The following MGST1 variants were observed in gnomAD, a reference collection of about 807,000 sequenced individuals.
The protein encoded by MGST1 is glutathione S-transferase 12.
MGST1 carries 5 observed loss-of-function variants against 8.9 expected under a neutral mutation model. The observed-to-expected ratio is 0.56, with a 90% confidence interval of 0.29 to 1.19. The LOEUF (loss-of-function observed/expected upper bound fraction) is 1.19. MGST1 is among the 50% of genes most tolerant of loss of function. The pLI is 0.08. For synonymous variants in MGST1, 54 were observed against 67.8 expected, an observed-to-expected ratio of 0.80 and a Z score of 1.00; for missense variants, 182 against 187.4, an observed-to-expected ratio of 0.97 and a Z score of 0.17.
downstream of MGST1, among the ~76,000 whole-genome samples, chr12:16,378,820 C>A (rs1179396352): frequency 1.3e-5 from 2 of 152,074 alleles, no homozygotes; most frequent in African/African-American, 4.8e-5. Context: ...TCTTTTATTT[C>A]ATTGAGCAGT....
At chr12:16,427,399 C>T (rs1940899864) in intron 1 of MGST1, among the ~76,000 whole-genome samples, 1 of 152,010 alleles carries the variant, frequency 6.6e-6, no homozygotes, top group Non-Finnish European at 1.5e-5. Context: ...ATTTTTTTGT[C>T]TGAGACAGAG....
chr12:16,387,918 AC>A (rs987871548), intron 1 of MGST1, among the ~76,000 whole-genome samples: 9 of 151,658 alleles, frequency 5.9e-5, no homozygotes, highest in African/African-American at 2.2e-4. Context: ...CAGTACAGTA[AC>A]ATGCTACGTA....
In MGST1 at chr12:16,389,654, T is replaced by G. The variant is rs1365486820; in HGVS notation, n.778+6050T>G. 6.6e-6 allele frequency among the ~76,000 whole-genome samples: 1 copy of G among 152,206 alleles called. No homozygotes were observed. Among genetic ancestry groups the G allele is most frequent in the Non-Finnish European group, 1.5e-5 (1 of 68,038 alleles). On this transcript the variant is annotated intron_variant and non_coding_transcript_variant, in intron 1 of 1. Transcript: ENST00000359720. The surrounding 1 kb of genome is among the most constrained non-coding windows in gnomAD (Gnocchi z 4.6). Reference sequence around the variant, plus strand: ...AGGAGGGACTACAGAGAAGCAAGGATTCCAGATGGAGGGAGAGTTTGGAAT... The same window carrying G: ...AGGAGGGACTACAGAGAAGCAAGGAGTCCAGATGGAGGGAGAGTTTGGAAT...
At chr12:16,352,806 C>A (rs955247620) in intron 1 of MGST1, among the ~76,000 whole-genome samples, 4 of 152,130 alleles carry the variant, frequency 2.6e-5, no homozygotes, top group Non-Finnish European at 4.4e-5. Context: ...CATGAAAGTA[C>A]CATATATGGT....
rs1279168874 is a variant in MGST1, at chr12:16,347,648, C to G, written c.-85C>G. 1 of 152,472 alleles carries G rather than the reference C, an allele frequency of 6.6e-6. No individual in the cohort carries two copies. The highest frequency in any genetic ancestry group is 1.5e-5 in the Non-Finnish European group (1 of 68,314). 9.4% of individuals were successfully genotyped at this position (152,472 alleles called of 1,614,324 possible). A position where few individuals can be genotyped will look rare whatever the true frequency, so the allele number is the denominator to read the frequency against. ...TGCGTCCGGCCCGCGCGGCCACAGT[C>G]CCTGCATTGCGCGCGACCCGGCGGC... On this transcript the variant is annotated 5_prime_UTR_variant, in exon 1 of 4. Transcript: ENST00000396210. The surrounding 1 kb of genome is among the most constrained non-coding windows in gnomAD (Gnocchi z 4.0).
intron 1 of MGST1, among the ~76,000 whole-genome samples, chr12:16,383,915 A>T (rs1298055430): frequency 6.6e-6 from 1 of 152,198 alleles, no homozygotes; most frequent in Non-Finnish European, 1.5e-5. Flanking sequence ...TAAACCATAC[A>T]GGTTTTTGTT....
At chr12:16,526,986 G>C (rs1591752393) in intron 4 of MGST1, among the ~76,000 whole-genome samples, 1 of 152,076 alleles carries the variant, frequency 6.6e-6, no homozygotes, top group East Asian at 1.9e-4. Flanking sequence ...TATTTCTGCT[G>C]TATCTATCAT....
At chr12:16,468,244 T>C (rs1943802901) in intron 4 of MGST1, among the ~76,000 whole-genome samples, 1 of 152,212 alleles carries the variant, frequency 6.6e-6, no homozygotes, top group African/African-American at 2.4e-5. Flanking sequence ...GCATCATATC[T>C]AGGTCAAAAT....
chr12:16,377,902 A>C (rs1313585544), downstream of MGST1, among the ~76,000 whole-genome samples: 2 of 151,052 alleles, frequency 1.3e-5, no homozygotes, highest in African/African-American at 2.4e-5. Context: ...GCCAGTGATG[A>C]TGAGCATTTT....
rs946999418 is a variant in MGST1 at position 16,544,928 on chromosome 12, A to G, written n.483-44600A>G. Among the ~76,000 whole-genome samples the G allele has an allele frequency of 6.6e-6, 1 of 152,074 alleles. No individual in the cohort carries two copies. The highest frequency in any genetic ancestry group is 6.6e-5 in the Admixed American group (1 of 15,246). On this transcript the variant is annotated intron_variant and non_coding_transcript_variant, in intron 4 of 4. Transcript: ENST00000538857. The surrounding 1 kb of genome is among the most constrained non-coding windows in gnomAD (Gnocchi z 4.8). ...TTCTTGTGCCCCAACCAAGGTTCATATCGTCAATAACACAGATCCTGTAAG... is the reference window on the plus strand; with the variant it reads ...TTCTTGTGCCCCAACCAAGGTTCATGTCGTCAATAACACAGATCCTGTAAG...
chr12:16,479,020 C>A lies in MGST1; in HGVS notation n.482+95416C>A, dbSNP rs1003268662. 1.3e-5 allele frequency among the ~76,000 whole-genome samples: 2 copies of A among 151,942 alleles called. 1 individual carries two copies. The highest frequency in any genetic ancestry group is 1.3e-4 in the Admixed American group (2 of 15,202). On this transcript the variant is annotated intron_variant and non_coding_transcript_variant, in intron 4 of 4. Coordinates refer to the MGST1 transcript ENST00000538857. ...CTGCATTGTGTCTTTATGAATTTAC[C>A]CGTTCTGGGTATTTCATATAAATGA...
chr12:16,508,925 TA>T (rs1252485302), intron 4 of MGST1, among the ~76,000 whole-genome samples: 1 of 152,288 alleles, frequency 6.6e-6, no homozygotes, highest in Admixed American at 6.5e-5. Flanking sequence ...AGTAGGTGGT[TA>T]GGGGGTATTT....
At chr12:16,426,040 C>T (rs1940883246) in intron 1 of MGST1, among the ~76,000 whole-genome samples, 1 of 152,100 alleles carries the variant, frequency 6.6e-6, no homozygotes, top group Non-Finnish European at 1.5e-5. Context: ...CTCCTTGATT[C>T]CATTCTATTG....
chr12:16,359,074 A>G (rs1939869700), intron 3 of MGST1, among the ~76,000 whole-genome samples: 1 of 152,064 alleles, frequency 6.6e-6, no homozygotes, highest in African/African-American at 2.4e-5. Flanking sequence ...TCAAAAATGA[A>G]CTAAAAAAAA....
intron 4 of MGST1, among the ~76,000 whole-genome samples, chr12:16,471,124 C>G (rs2137134529): frequency 6.6e-6 from 1 of 152,238 alleles, no homozygotes; most frequent in Admixed American, 6.5e-5. Flanking sequence ...TTTAAATAAC[C>G]ATTTATCGCC....
At chr12:16,376,355 C>T (rs1565442807) in exon 4 of MGST1, 1 of 408,158 alleles carries the variant, frequency 2.5e-6, no homozygotes, top group African/African-American at 2.1e-5. Context: ...GGGAAGTACC[C>T]AATACCATCT....
chr12:16,364,496 TCTGTACC>T (rs1940147537), downstream of MGST1: 1 of 630,706 alleles, frequency 1.6e-6, no homozygotes, highest in African/African-American at 2.0e-5. This position sits in a 1 kb window ranked among gnomAD's most constrained non-coding sequence, Gnocchi z 5.7. Context: ...AAAGAACCAC[TCTGTACC>T]CTGCTTAGAA....
intron 4 of MGST1, among the ~76,000 whole-genome samples, chr12:16,571,786 G>A (rs1044240731): frequency 6.6e-6 from 1 of 151,964 alleles, no homozygotes; most frequent in African/African-American, 2.4e-5. Context: ...AGTGTAACTG[G>A]ATCATTCAGC....
chr12:16,360,743 A>G (rs1939951692), intron 3 of MGST1, among the ~76,000 whole-genome samples: 1 of 152,196 alleles, frequency 6.6e-6, no homozygotes, highest in Admixed American at 6.5e-5. Context: ...CTTTAAAGGT[A>G]GAGAATAACC....
Sources: gnomAD v4.1 joint callset for allele counts (sites outside exome capture counted in the v4.1 genomes callset) on GRCh38, gnomAD v4.1.1 for gene constraint, Gnocchi (gnomAD v3.1) non-coding constraint, MANE v1.5 for transcripts, NCBI Gene and HGNC (gene_info 2026-07-23, HGNC 2026-07-21) for gene names.